The following TTC19 variants were observed in gnomAD, a reference collection of about 807,000 sequenced individuals.
TTC19 encodes tetratricopeptide repeat protein 19, mitochondrial.
In TTC19, 38 loss-of-function variants were observed where a neutral mutation model predicts 49.5. The ratio of observed to expected loss-of-function variants is 0.77; its 90% CI spans 0.59 to 1.01. The LOEUF (loss-of-function observed/expected upper bound fraction) is 1.01, where lower values mean the gene tolerates loss of function less well. TTC19 is among the 50% of genes least tolerant of loss of function. The pLI is 0.00. For missense variants in TTC19, 475 were observed against 477.7 expected, an observed-to-expected ratio of 0.99 and a Z score of 0.05; for synonymous variants, 204 against 185.2, an observed-to-expected ratio of 1.10 and a Z score of -0.83.
chr17:16,004,210 G>C lies in TTC19; in HGVS notation c.529G>C (p.Ala177Pro). Residue 177 changes from alanine to proline, a missense_variant, in exon 6 of 10, where the codon GCA (alanine) becomes CCA (proline). Transcript: ENST00000261647. The stretch of plus-strand genomic sequence containing the variant: ...TCTCTTTCTCTCACAGGAGGACAAT[G>C]CAATAATTGAAATTTCCCTAAAGCT... Reference protein sequence around the residue: ...LGGGMKQEDNAIIEISLKLAS... With the variant: ...LGGGMKQEDNPIIEISLKLAS... 2 of 1,614,168 alleles carry C rather than the reference G, an allele frequency of 1.2e-6. No homozygotes were observed. The highest frequency in any genetic ancestry group is 8.5e-7 in the Non-Finnish European group (1 of 1,179,982).
downstream of TTC19, chr17:16,029,408 T>C (rs189970612): frequency 6.4e-4 from 205 of 322,126 alleles, no homozygotes; most frequent in Non-Finnish European, 1.0e-3. Context: ...AACTGTCCAA[T>C]GGTCACTGGA....
downstream of TTC19, among the ~76,000 whole-genome samples, chr17:16,033,668 G>T (rs1375309124): frequency 6.6e-6 from 1 of 151,246 alleles, no homozygotes; most frequent in African/African-American, 2.4e-5. Context: ...AAAGTCTGTT[G>T]CTTTTTAAAG....
intron 7 of TTC19, 84 bp downstream of exon 7, chr17:16,006,652 T>A: frequency 1.0e-6 from 1 of 992,032 alleles, no homozygotes; most frequent in East Asian, 2.4e-5. Flanking sequence ...GAGATCTAAA[T>A]TGGGAAGAGG....
Position 16,012,144 on chromosome 17 carries a change from G to T in TTC19, c.676+5576G>T, listed in dbSNP as rs189826408. ...TCCTGATTTGTGTTTATAGAGTGGG[G>T]TTTTTTTTTCTAATAAAAAGGGAAT... is the stretch of plus-strand genomic sequence containing the variant. On this transcript the variant is annotated intron_variant, in intron 7 of 9. Transcript: ENST00000261647. Among the ~76,000 whole-genome samples, 1,093 of 150,654 alleles carry T rather than the reference G, an allele frequency of 7.3e-3. 12 individuals are homozygous for T. The highest frequency in any genetic ancestry group is 0.024 in the African/African-American group (1,004 of 41,068).
intron 7 of TTC19, among the ~76,000 whole-genome samples, chr17:16,007,870 G>A (rs139744474): frequency 7.5e-4 from 114 of 152,332 alleles, no homozygotes; most frequent in Non-Finnish European, 1.3e-3. Flanking sequence ...TGTGGAGTAG[G>A]AGGGATCACT....
intron 2 of TTC19, among the ~76,000 whole-genome samples, chr17:16,037,496 A>G (rs183535534): frequency 4.7e-4 from 71 of 152,318 alleles, no homozygotes; most frequent in Non-Finnish European, 9.3e-4. Context: ...ACAAAAAACA[A>G]GGTTCGTCCT....
chr17:16,022,404 A>ATTAAC (rs1384659037), intron 7 of TTC19, among the ~76,000 whole-genome samples: 2 of 152,244 alleles, frequency 1.3e-5, no homozygotes, highest in Non-Finnish European at 2.9e-5. Flanking sequence ...CACTAAAACC[A>ATTAAC]TTAACACTCA....
At position 16,028,008 on chromosome 17, in the gene TTC19, TGAAG is replaced by T. The variant is rs763691827; in HGVS notation, c.*487_*490del. ...ATTGTTGTTCTTATAGTCTGTTTCA[TGAAG>T]CACAAGTGGAATTTAATACATAAAA... On this transcript the variant is annotated 3_prime_UTR_variant, in exon 10 of 10. Transcript: ENST00000261647. 8.8e-6 allele frequency: 4 copies of T among 454,102 alleles called. No homozygotes were observed. Among genetic ancestry groups the T allele is most frequent in the Non-Finnish European group, 1.8e-5 (4 of 226,874 alleles). The allele number at this position is 454,102 out of a possible 1,614,324, so 28.1% of individuals were successfully genotyped here. A position where few individuals can be genotyped will look rare whatever the true frequency, so the allele number is the denominator to read the frequency against.
chr17:16,006,375 A>G, intron 6 of TTC19, 99 bp from the exon 7 acceptor site: 1 of 877,490 alleles, frequency 1.1e-6, no homozygotes. Context: ...ACGCCATTGC[A>G]CTCCAGCCTG....
At chr17:16,024,238 G>GCTTTATTCTT (rs1308606866) in intron 7 of TTC19, 1 of 152,052 alleles carries the variant, frequency 6.6e-6, no homozygotes, top group African/African-American at 2.4e-5. Context: ...GTCATTGTAA[G>GCTTTATTCTT]CTTTATTCTT....
rs1290415067 is a variant in TTC19 at position 16,027,825 on chromosome 17, T to TG, written c.*304dup. ...AGAACTGTAGATTCATATGGGCTGG[T>TG]GTTCCTGTGCGCTGTGGGTGTGGTG... On this transcript the variant is annotated 3_prime_UTR_variant, in exon 10 of 10. Transcript: ENST00000261647. 2.0e-6 allele frequency: 1 copy of TG among 498,308 alleles called. No individual in the cohort carries two copies. The highest frequency in any genetic ancestry group is 2.3e-5 in the Admixed American group (1 of 43,712). The allele number at this position is 498,308 out of a possible 1,614,324, so 30.9% of individuals were successfully genotyped here.
chr17:16,000,259 G>C lies in TTC19; in HGVS notation c.312+14G>C, dbSNP rs747300841. ...AAGCGAGCCAAGGTGAGGCGGCTCC[G>C]GGCCCTGCGCCCGGCCGAGCGCGGT... On this transcript the variant is annotated intron_variant, in intron 2 of 9. Transcript: ENST00000261647. The C allele has an allele frequency of 2.1e-5, 33 of 1,593,460 alleles. No homozygotes were observed. The highest frequency in any genetic ancestry group is 2.7e-5 in the Non-Finnish European group (32 of 1,178,354).
Position 16,004,188 on chromosome 17 carries a change from C to T in TTC19, c.520-13C>T, listed in dbSNP as rs778457145. ...ACTTGTTATGAGTTCCCTTCATTCT[C>T]TTTCTCTCACAGGAGGACAATGCAA... On this transcript the variant is annotated splice_polypyrimidine_tract_variant and intron_variant, in intron 5 of 9. Transcript: ENST00000261647. 7 of 1,613,706 alleles carry T rather than the reference C, an allele frequency of 4.3e-6. No individual in the cohort carries two copies. Among genetic ancestry groups the T allele is most frequent in the South Asian group, 3.3e-5 (3 of 91,080 alleles).
chr17:16,014,996 A>G (rs889236333), intron 7 of TTC19, among the ~76,000 whole-genome samples: 18 of 152,166 alleles, frequency 1.2e-4, no homozygotes, highest in Admixed American at 1.1e-3. Flanking sequence ...GTAGTGCTGG[A>G]TAATATTTAA....
downstream of TTC19, chr17:16,032,597 C>A: frequency 5.0e-6 from 5 of 996,730 alleles, no homozygotes; most frequent in Non-Finnish European, 7.1e-6. Flanking sequence ...CATGTGACAC[C>A]ATGAAAGCAA....
chr17:16,032,267 T>G, downstream of TTC19: 1 of 1,575,430 alleles, frequency 6.3e-7, no homozygotes, highest in East Asian at 2.3e-5. Flanking sequence ...ATCCCTCTCC[T>G]GCACCCTGTT....
intron 2 of TTC19, among the ~76,000 whole-genome samples, chr17:16,035,650 C>G (rs1289442814): frequency 6.6e-6 from 1 of 151,444 alleles, no homozygotes; most frequent in African/African-American, 2.4e-5. Flanking sequence ...CTCAAGCAAT[C>G]CTCCCACCTC....
intron 7 of TTC19, chr17:16,023,779 T>C (rs1041397688): frequency 2.0e-5 from 3 of 152,226 alleles, no homozygotes; most frequent in Non-Finnish European, 2.9e-5. Context: ...GTAAGCGATA[T>C]AGAAGCAAGC....
downstream of TTC19, chr17:16,031,052 CAAGCA>C: frequency 5.2e-6 from 1 of 193,830 alleles, no homozygotes; most frequent in East Asian, 8.1e-5. Context: ...TAAAATTCAG[CAAGCA>C]ATTCTTAATG....
Sources: gnomAD v4.1 joint callset for allele counts (sites outside exome capture counted in the v4.1 genomes callset) on GRCh38, gnomAD v4.1.1 for gene constraint, MANE v1.5 for transcripts, NCBI Gene and HGNC (gene_info 2026-07-23, HGNC 2026-07-21) for gene names.